The following NRG3 variants were observed in gnomAD, a reference collection of about 807,000 sequenced individuals.
The protein encoded by NRG3 is neuregulin 3.
Under a neutral mutation model 66.9 loss-of-function variants are expected in NRG3, and 31 were observed. That is an observed-to-expected ratio of 0.46 (90% CI 0.35 to 0.63). The LOEUF (loss-of-function observed/expected upper bound fraction) is 0.63, where lower values mean the gene tolerates loss of function less well. NRG3 is among the 20% of genes least tolerant of loss of function. NRG3 has a pLI of 0.00. For missense variants in NRG3, 910 were observed against 878.9 expected (o/e 1.04, Z -0.45); for synonymous variants, 393 against 359.4 (o/e 1.09, Z -1.06).
intron 1 of NRG3, among the ~76,000 whole-genome samples, chr10:82,035,712 G>C (rs2062764765): frequency 6.6e-6 from 1 of 152,036 alleles, no homozygotes; most frequent in South Asian, 2.1e-4. Context: ...TTTTCCTCTG[G>C]ATTGTTTTTG....
At position 82,978,994 on chromosome 10, in the gene NRG3, T is replaced by C. The variant is rs1564689533; in HGVS notation, c.1457T>C (p.Leu486Pro). Reference protein sequence around the residue: ...CCSPGQRSGMLHRNAFRRTPP... With the variant: ...CCSPGQRSGMPHRNAFRRTPP... ...AGCCCAGGGCAAAGAAGTGGCATGCTCCATAGGAATGCCTTCAGAAGGACA... is the reference window on the plus strand; with the variant it reads ...AGCCCAGGGCAAAGAAGTGGCATGCCCCATAGGAATGCCTTCAGAAGGACA... Residue 486 changes from leucine (L) to proline (P), a missense_variant, in exon 8 of 9, where the codon CTC becomes CCC. Coordinates refer to ENST00000372141, the MANE Select transcript of NRG3 (RefSeq NM_001010848.4). 1 of 1,613,996 alleles carries C rather than the reference T, an allele frequency of 6.2e-7. No individual in the cohort carries two copies.
At chr10:82,653,748 G>C (rs1326903761) in intron 2 of NRG3, among the ~76,000 whole-genome samples, 1 of 152,066 alleles carries the variant, frequency 6.6e-6, no homozygotes, top group East Asian at 1.9e-4. Context: ...GAAGGGCAAT[G>C]GTTTGGAATA....
At chr10:82,081,628 A>C (rs2065401240) in intron 1 of NRG3, among the ~76,000 whole-genome samples, 1 of 152,178 alleles carries the variant, frequency 6.6e-6, no homozygotes, top group African/African-American at 2.4e-5. Context: ...TTTTAATTAC[A>C]TTGTTTCCAC....
At chr10:82,831,663 A>G (rs1221262203) in intron 3 of NRG3, among the ~76,000 whole-genome samples, 1 of 151,992 alleles carries the variant, frequency 6.6e-6, no homozygotes, top group Non-Finnish European at 1.5e-5. Context: ...AAAATACAAA[A>G]ATTAGCTTGG....
At chr10:82,119,505 A>G (rs2067948173) in intron 1 of NRG3, among the ~76,000 whole-genome samples, 1 of 152,188 alleles carries the variant, frequency 6.6e-6, no homozygotes, top group Non-Finnish European at 1.5e-5. Context: ...GAAAAATATA[A>G]ATAAGTTACC....
chr10:82,852,222 C>T (rs929054736), intron 3 of NRG3, among the ~76,000 whole-genome samples: 10 of 152,048 alleles, frequency 6.6e-5, no homozygotes, highest in African/African-American at 9.6e-5. Context: ...AATTAGCACT[C>T]GTAAGTGGGA....
chr10:82,694,509 C>T (rs1591200309), intron 2 of NRG3, among the ~76,000 whole-genome samples: 1 of 152,206 alleles, frequency 6.6e-6, no homozygotes, highest in East Asian at 1.9e-4. Flanking sequence ...AATCCCAGCT[C>T]TTTGGGAGGT....
chr10:82,040,582 T>C (rs1404537405), intron 1 of NRG3, among the ~76,000 whole-genome samples: 1 of 151,760 alleles, frequency 6.6e-6, no homozygotes, highest in African/African-American at 2.4e-5. Context: ...AAGCAGAACA[T>C]TTGGCGGATA....
intron 1 of NRG3, among the ~76,000 whole-genome samples, chr10:82,180,815 A>C (rs1415577119): frequency 6.6e-6 from 1 of 151,908 alleles, no homozygotes; most frequent in East Asian, 1.9e-4. Context: ...ATTTGAGAAG[A>C]ACTGTTGTTA....
intron 1 of NRG3, among the ~76,000 whole-genome samples, chr10:81,885,902 T>A (rs1048051615): frequency 5.9e-5 from 9 of 152,250 alleles, no homozygotes; most frequent in East Asian, 1.9e-4. Context: ...CAGAATTTTT[T>A]AAAAAATGGG....
chr10:82,029,361 A>T (rs1042869903), intron 1 of NRG3, among the ~76,000 whole-genome samples: 1 of 152,140 alleles, frequency 6.6e-6, no homozygotes, highest in Admixed American at 6.6e-5. Flanking sequence ...AGTGAATGGG[A>T]TTAAATTAAA....
At chr10:82,219,110 T>A (rs538629664) in intron 1 of NRG3, among the ~76,000 whole-genome samples, 1 of 152,014 alleles carries the variant, frequency 6.6e-6, no homozygotes, top group African/African-American at 2.4e-5. Context: ...CTATATCAAA[T>A]AATATTTCAT....
At chr10:82,738,837 G>A (rs2058282036) in intron 3 of NRG3, among the ~76,000 whole-genome samples, 187 bp downstream of exon 3, 1 of 152,176 alleles carries the variant, frequency 6.6e-6, no homozygotes, top group South Asian at 2.1e-4. Context: ...GGTCTTCTCT[G>A]ACGATGAGGC....
At chr10:82,439,971 T>G (rs1249956810) in intron 2 of NRG3, among the ~76,000 whole-genome samples, 1 of 152,084 alleles carries the variant, frequency 6.6e-6, no homozygotes, top group Non-Finnish European at 1.5e-5. Context: ...ATAAAATAAG[T>G]TTTAGAACAT....
In NRG3 at chr10:82,937,396, G is replaced by A. The variant is rs77336496; in HGVS notation, c.1055-14073G>A. Among the ~76,000 whole-genome samples the A allele has an allele frequency of 1.4e-3, 209 of 152,304 alleles. 10 individuals are homozygous for A. In the East Asian group the frequency reaches 0.038, roughly 28 times the overall value. On this transcript the variant is annotated intron_variant, in intron 4 of 8. Transcript: ENST00000372141. Reference sequence around the variant, plus strand: ...GACAGGTTAAATAAAATTGCCGAAAGTCAGGTAAATAGAGCGAGACCCTGG... The same window carrying A: ...GACAGGTTAAATAAAATTGCCGAAAATCAGGTAAATAGAGCGAGACCCTGG...
At chr10:82,907,206 T>C (rs1335495079) in intron 4 of NRG3, among the ~76,000 whole-genome samples, 1 of 152,184 alleles carries the variant, frequency 6.6e-6, no homozygotes, top group African/African-American at 2.4e-5. Context: ...TTCACTGAGT[T>C]TTAGTTCACT....
chr10:81,883,096 T>C (rs1842327045), intron 1 of NRG3, among the ~76,000 whole-genome samples: 1 of 152,170 alleles, frequency 6.6e-6, no homozygotes. Flanking sequence ...TCATTGGGTC[T>C]TTAGATTTTG....
At chr10:81,899,934 A>C (rs1003827262) in intron 1 of NRG3, among the ~76,000 whole-genome samples, 1 of 151,740 alleles carries the variant, frequency 6.6e-6, no homozygotes, top group Non-Finnish European at 1.5e-5. Context: ...GTGTGTTTAC[A>C]TATTTTAAAC....
intron 1 of NRG3, among the ~76,000 whole-genome samples, chr10:81,997,867 C>G (rs1255133876): frequency 3.6e-5 from 5 of 140,822 alleles, no homozygotes; most frequent in Admixed American, 7.1e-5. Flanking sequence ...AAAGGCCCAA[C>G]TTTTTTTTTT....
Sources: allele counts gnomAD v4.1 joint callset (sites outside exome capture counted in the v4.1 genomes callset), GRCh38; gene constraint gnomAD v4.1.1; transcripts MANE v1.5; gene names NCBI Gene and HGNC (gene_info 2026-07-23, HGNC 2026-07-21).